Variants in GRIN2A observed in about 807,000 individuals in gnomAD.
GRIN2A encodes the protein glutamate ionotropic receptor NMDA type subunit 2A.
A neutral mutation model predicts 113.4 loss-of-function variants in GRIN2A; 22 were observed. That is an observed-to-expected ratio of 0.19 (90% CI 0.14 to 0.28). The LOEUF is 0.28. Among genes scored for constraint, GRIN2A ranks in the 10% least tolerant of loss-of-function variants. The probability of loss-of-function intolerance (pLI) is 1.00; values close to 1 mark genes in which losing one functional copy is unlikely to be tolerated. For synonymous variants in GRIN2A, 827 were observed against 738.4 expected (o/e 1.12, Z -1.94); for missense variants, 1,502 against 1,887.0 (o/e 0.80, Z 3.78).
chr16:9,810,456 G>A (rs1446644174), intron 10 of GRIN2A, among the ~76,000 whole-genome samples: 1 of 152,196 alleles, frequency 6.6e-6, no homozygotes, highest in South Asian at 2.1e-4. Flanking sequence ...TGAAAATCAT[G>A]TCTTTGCAGA....
At chr16:9,834,020 A>G in intron 8 of GRIN2A, 85 bp downstream of exon 8, 1 of 1,331,392 alleles carries the variant, frequency 7.5e-7, no homozygotes, top group East Asian at 2.3e-5. Context: ...CCTGGTCTAG[A>G]GTAATGTGTT....
intron 2 of GRIN2A, among the ~76,000 whole-genome samples, chr16:9,946,547 T>A (rs1184542740): frequency 6.6e-6 from 1 of 152,204 alleles, no homozygotes; most frequent in Admixed American, 6.5e-5. Context: ...ATATTTTTTA[T>A]TCTGACCACT....
chr16:10,111,448 C>T lies in GRIN2A; in HGVS notation c.414+68550G>A, dbSNP rs2048612276. The T allele has an allele frequency of 2.1e-5, 12 of 582,942 alleles. No homozygotes were observed. In the South Asian group the frequency reaches 2.1e-4, roughly 10 times the overall value. The allele number at this position is 582,942 out of a possible 1,614,324, so 36.1% of individuals were successfully genotyped here. On this transcript the variant is annotated intron_variant, in intron 2 of 12. Transcript: ENST00000330684. ...CCAGGACTGGCTCACCGTGCAGCAG[C>T]TCTTCCTCGGCGCCAACTGCCGCAC...
intron 2 of GRIN2A, chr16:10,112,114 G>A (rs1190397801): frequency 1.2e-5 from 7 of 599,972 alleles, no homozygotes; most frequent in Admixed American, 2.3e-5. Context: ...CAGCTGCTGT[G>A]CAGGGCAGCT....
At chr16:10,172,403 C>T (rs565935486) in intron 2 of GRIN2A, among the ~76,000 whole-genome samples, 1 of 152,372 alleles carries the variant, frequency 6.6e-6, no homozygotes, top group Non-Finnish European at 1.5e-5. Flanking sequence ...TGGTTGCATA[C>T]ATGCCATAGA....
chr16:9,834,780 A>C (rs1022412321), intron 7 of GRIN2A, among the ~76,000 whole-genome samples: 2 of 152,224 alleles, frequency 1.3e-5, no homozygotes, highest in African/African-American at 4.8e-5. Context: ...AGAGAAGAGC[A>C]TAGGACATTT....
chr16:10,157,135 A>G (rs2049714489), intron 2 of GRIN2A, among the ~76,000 whole-genome samples: 1 of 152,204 alleles, frequency 6.6e-6, no homozygotes, highest in Non-Finnish European at 1.5e-5. Context: ...CAGGAAACTC[A>G]GAAGACTGGA....
At position 9,768,974 on chromosome 16, in the gene GRIN2A, C is replaced by G. The variant is rs1458581648; in HGVS notation, c.2472G>C (p.Leu824=). The change falls in exon 12 of 13, where the codon CTG becomes CTC. Residue 824 remains leucine (L), a synonymous_variant. Coordinates refer to ENST00000330684, the MANE Select transcript of GRIN2A (RefSeq NM_001134407.3). The stretch of plus-strand genomic sequence containing the variant: ...TGAGGCTAAGGGCCATGGCGGCAGC[C>G]AGCATGTAGAATACGCCCGCCATGT... ...IDNMAGVFYM[L]AAAMALSLIT... 4 of 1,613,994 alleles carry G rather than the reference C, an allele frequency of 2.5e-6. No homozygotes were observed. The highest frequency in any genetic ancestry group is 3.4e-6 in the Non-Finnish European group (4 of 1,179,972).
chr16:9,886,949 G>A (rs2043597214), intron 4 of GRIN2A, among the ~76,000 whole-genome samples: 1 of 152,140 alleles, frequency 6.6e-6, no homozygotes, highest in African/African-American at 2.4e-5. Flanking sequence ...GTGCAGTGGT[G>A]CGATCTCAGC....
At chr16:10,103,559 G>C (rs1309859854) in intron 2 of GRIN2A, among the ~76,000 whole-genome samples, 2 of 152,154 alleles carry the variant, frequency 1.3e-5, no homozygotes. Flanking sequence ...GGTACAGGGA[G>C]ATATGGGTTT....
At chr16:10,091,490 A>G (rs2048184046) in intron 2 of GRIN2A, among the ~76,000 whole-genome samples, 1 of 151,034 alleles carries the variant, frequency 6.6e-6, no homozygotes. Flanking sequence ...ACACACACAC[A>G]CAAACACACA....
At chr16:9,908,648 G>C (rs1274720373) in intron 3 of GRIN2A, among the ~76,000 whole-genome samples, 2 of 152,166 alleles carry the variant, frequency 1.3e-5, no homozygotes, top group Non-Finnish European at 2.9e-5. Context: ...AAAGGAAAAG[G>C]GCTGTTTTCT....
At chr16:9,886,234 C>G (rs969240990) in intron 4 of GRIN2A, among the ~76,000 whole-genome samples, 5 of 152,076 alleles carry the variant, frequency 3.3e-5, no homozygotes, top group African/African-American at 1.2e-4. Context: ...CAGAAAGGCT[C>G]CAACTCTCTA....
At chr16:10,003,030 G>A (rs2046347108) in intron 2 of GRIN2A, among the ~76,000 whole-genome samples, 1 of 152,208 alleles carries the variant, frequency 6.6e-6, no homozygotes, top group African/African-American at 2.4e-5. Flanking sequence ...GCTGCTGAGT[G>A]AGTGTGTAGC....
chr16:9,960,815 AG>A (rs2045423955), intron 2 of GRIN2A, among the ~76,000 whole-genome samples: 1 of 152,022 alleles, frequency 6.6e-6, no homozygotes, highest in Admixed American at 6.6e-5. Flanking sequence ...GGCAGAGATG[AG>A]GTTTTGCCAA....
At chr16:10,024,872 G>A (rs895278257) in intron 2 of GRIN2A, among the ~76,000 whole-genome samples, 1 of 152,144 alleles carries the variant, frequency 6.6e-6, no homozygotes, top group African/African-American at 2.4e-5. Context: ...TTGGTTGGCT[G>A]GCTGCTCATT....
At chr16:10,040,016 CACCACACACAAA>C (rs2047125771) in intron 2 of GRIN2A, among the ~76,000 whole-genome samples, 46 of 27,900 alleles carry the variant, frequency 1.6e-3, no homozygotes, top group Non-Finnish European at 2.7e-3. Flanking sequence ...CACATCCACA[CACCACACACAAA>C]TATACTACAC....
intron 10 of GRIN2A, among the ~76,000 whole-genome samples, chr16:9,801,981 C>A (rs1453597618): frequency 6.6e-6 from 1 of 152,208 alleles, no homozygotes; most frequent in Non-Finnish European, 1.5e-5. Flanking sequence ...CTGGGGCATA[C>A]ACAGTCCCCT....
chr16:10,177,192 A>G (rs981799430), intron 2 of GRIN2A, among the ~76,000 whole-genome samples: 4 of 152,188 alleles, frequency 2.6e-5, no homozygotes, highest in South Asian at 2.1e-4. Flanking sequence ...AGCCATCTAT[A>G]TATGTTACTA....
Sources: gnomAD v4.1 joint callset for allele counts (sites outside exome capture counted in the v4.1 genomes callset) on GRCh38, gnomAD v4.1.1 for gene constraint, MANE v1.5 for transcripts, NCBI Gene and HGNC (gene_info 2026-07-23, HGNC 2026-07-21) for gene names.